The following ADK variants were observed in gnomAD, a reference collection of about 807,000 sequenced individuals.
ADK encodes adenosine kinase, also known as N6,N6-dimethyladenosine kinase.
Under a neutral mutation model 44.7 loss-of-function variants are expected in ADK, and 24 were observed. The observed-to-expected ratio is 0.54, with a 90% CI of 0.39 to 0.76. The LOEUF is 0.76. Among genes scored for constraint, ADK ranks in the 30% least tolerant of loss-of-function variants. The pLI is 0.00. For missense variants in ADK, 321 were observed against 425.1 expected (o/e 0.76, Z 2.15); for synonymous variants, 128 against 142.6 (o/e 0.90, Z 0.73).
chr10:74,222,764 A>G lies in ADK; in HGVS notation c.141-1774A>G, dbSNP rs531649140. On this transcript the variant is annotated intron_variant, in intron 2 of 10. Transcript: ENST00000539909. ...TTCTCAGTAAACTATCACAAGAACA[A>G]AAAACCAAACACCGCATATTCTCAC... is the stretch of plus-strand genomic sequence containing the variant. Among the ~76,000 whole-genome samples, 6 of 151,778 alleles carry G rather than the reference A, an allele frequency of 4.0e-5. No individual in the cohort carries two copies. In the East Asian group the frequency reaches 9.7e-4, roughly 25 times the overall value.
At chr10:74,160,241 G>A (rs950708319) in intron 1 of ADK, among the ~76,000 whole-genome samples, 7 of 152,054 alleles carry the variant, frequency 4.6e-5, no homozygotes, top group African/African-American at 1.7e-4. Context: ...CCATTGCCAC[G>A]GCAACACCCA....
intron 3 of ADK, among the ~76,000 whole-genome samples, chr10:74,301,709 C>T (rs1840038520): frequency 6.6e-6 from 1 of 151,734 alleles, no homozygotes; most frequent in Admixed American, 6.6e-5. Flanking sequence ...TTTCTCATTA[C>T]CCATAGAGCC....
chr10:74,281,110 G>T (rs1846916869), intron 3 of ADK, among the ~76,000 whole-genome samples: 1 of 152,192 alleles, frequency 6.6e-6, no homozygotes, highest in Non-Finnish European at 1.5e-5. Context: ...ACTCAACTTG[G>T]ATAATATTCA....
intron 6 of ADK, among the ~76,000 whole-genome samples, chr10:74,467,661 T>C (rs1180801759): frequency 6.6e-6 from 1 of 152,096 alleles, no homozygotes; most frequent in East Asian, 1.9e-4. Context: ...CTATTCAGTT[T>C]ATCTCTAAGA....
At chr10:74,660,078 A>G (rs1854642941) in intron 9 of ADK, among the ~76,000 whole-genome samples, 1 of 152,202 alleles carries the variant, frequency 6.6e-6, no homozygotes, top group Non-Finnish European at 1.5e-5. Context: ...TGTATTAACT[A>G]ATTTACTCCT....
chr10:74,478,560 C>T (rs563742986), intron 6 of ADK, among the ~76,000 whole-genome samples: 10 of 152,222 alleles, frequency 6.6e-5, no homozygotes, highest in African/African-American at 2.4e-4. Context: ...TGAGCACGCA[C>T]ATATATTTCT....
intron 3 of ADK, among the ~76,000 whole-genome samples, chr10:74,247,429 G>C (rs548866117): frequency 1.3e-5 from 2 of 151,244 alleles, no homozygotes; most frequent in South Asian, 4.2e-4. Context: ...TGTAGAGAAG[G>C]GTATTTTTTG....
At chr10:74,386,989 C>T (rs932443241) in intron 4 of ADK, among the ~76,000 whole-genome samples, 5 of 150,982 alleles carry the variant, frequency 3.3e-5, no homozygotes, top group African/African-American at 1.2e-4. Context: ...CAGGCTGTAG[C>T]GCAGTGGCGG....
chr10:74,253,227 G>T (rs914524387), intron 3 of ADK, among the ~76,000 whole-genome samples: 4 of 152,250 alleles, frequency 2.6e-5, no homozygotes, highest in Admixed American at 6.5e-5. Flanking sequence ...TGCTCCTGCA[G>T]AGCAGGGCTA....
intron 6 of ADK, among the ~76,000 whole-genome samples, chr10:74,510,167 A>G (rs187398966): frequency 6.6e-6 from 1 of 152,110 alleles, no homozygotes; most frequent in Non-Finnish European, 1.5e-5. Flanking sequence ...ACTATTCTCC[A>G]TAGTGGCTAT....
intron 3 of ADK, among the ~76,000 whole-genome samples, chr10:74,283,042 A>C (rs1847008932): frequency 6.6e-6 from 1 of 152,168 alleles, no homozygotes; most frequent in African/African-American, 2.4e-5. Context: ...GCCTAAGGAA[A>C]AATTGTTGGG....
At chr10:74,243,698 A>G (rs1845309658) in intron 3 of ADK, among the ~76,000 whole-genome samples, 1 of 152,102 alleles carries the variant, frequency 6.6e-6, no homozygotes, top group Non-Finnish European at 1.5e-5. Flanking sequence ...TCCCGTCTCT[A>G]CTAACAATAC....
intron 9 of ADK, among the ~76,000 whole-genome samples, chr10:74,621,386 G>A (rs960728167): frequency 1.3e-5 from 2 of 152,148 alleles, no homozygotes; most frequent in East Asian, 3.9e-4. Context: ...CTGTAGATAC[G>A]TGGATTAATT....
chr10:74,227,566 G>A (rs926381839), intron 3 of ADK, among the ~76,000 whole-genome samples: 7 of 152,026 alleles, frequency 4.6e-5, no homozygotes, highest in Non-Finnish European at 8.8e-5. Flanking sequence ...AAAAAAGGCC[G>A]GGCACGGTGG....
At chr10:74,639,616 C>G (rs1853762528) in intron 9 of ADK, among the ~76,000 whole-genome samples, 3 of 152,178 alleles carry the variant, frequency 2.0e-5, no homozygotes, top group African/African-American at 7.2e-5. Context: ...GGGGGCAGAT[C>G]ACTTGAGGTC....
chr10:74,594,401 T>TA (rs76747860), intron 8 of ADK, among the ~76,000 whole-genome samples: 6,051 of 147,208 alleles, frequency 0.041, 360 homozygotes, highest in African/African-American at 0.13. Context: ...ACAGAAGAAA[T>TA]AAAAAAAAAA....
At chr10:74,563,820 AC>A (rs1460753570) in intron 7 of ADK, among the ~76,000 whole-genome samples, 2 of 152,012 alleles carry the variant, frequency 1.3e-5, no homozygotes, top group African/African-American at 4.8e-5. Context: ...CTAGAAAACA[AC>A]CTGTTTTACT....
chr10:74,407,089 T>A (rs1843968670), intron 6 of ADK, among the ~76,000 whole-genome samples: 1 of 151,476 alleles, frequency 6.6e-6, no homozygotes, highest in Non-Finnish European at 1.5e-5. Context: ...CCCAAGTAAC[T>A]GGAACTGCAG....
chr10:74,622,305 A>G (rs887872284), intron 9 of ADK, among the ~76,000 whole-genome samples: 4 of 152,140 alleles, frequency 2.6e-5, no homozygotes, highest in African/African-American at 7.2e-5. Context: ...GGAATTTGCA[A>G]ATACCCTAGG....
Sources: allele counts gnomAD v4.1 joint callset (sites outside exome capture counted in the v4.1 genomes callset), GRCh38; gene constraint gnomAD v4.1.1; transcripts MANE v1.5; gene names NCBI Gene and HGNC (gene_info 2026-07-23, HGNC 2026-07-21).